The following CAMTA2 variants were observed in gnomAD, a reference collection of about 807,000 sequenced individuals.
CAMTA2 encodes calmodulin binding transcription activator 2, also known as calmodulin-binding transcription activator 2.
CAMTA2 carries 56 observed loss-of-function variants against 135.7 expected under a neutral mutation model. The observed-to-expected ratio is 0.41, with a 90% confidence interval of 0.33 to 0.52. The LOEUF is 0.52. Among genes scored for constraint, CAMTA2 ranks in the 20% least tolerant of loss-of-function variants. The probability of loss-of-function intolerance (pLI) is 0.16; values close to 1 mark genes in which losing one functional copy is unlikely to be tolerated. For synonymous variants in CAMTA2, 591 were observed against 604.6 expected (o/e 0.98, Z 0.33); for missense variants, 1,358 against 1,553.4 (o/e 0.87, Z 2.11).
chr17:4,987,282 AG>A, intron 1 of CAMTA2: 1 of 1,342,092 alleles, frequency 7.5e-7, no homozygotes, highest in Non-Finnish European at 9.5e-7. Context: ...CCGAGGTGGG[AG>A]GGTCCCGCCC....
intron 3 of CAMTA2, chr17:4,983,253 T>C: frequency 1.8e-6 from 1 of 543,474 alleles, no homozygotes; most frequent in Non-Finnish European, 3.3e-6. Context: ...TTGTGAATTA[T>C]TTTACTCTCC....
intron 15 of CAMTA2, 86 bp downstream of exon 15, chr17:4,972,683 T>C (rs964233622): frequency 1.0e-5 from 15 of 1,458,688 alleles, no homozygotes; most frequent in Non-Finnish European, 1.4e-5. Context: ...GTCTCCTCTC[T>C]TACTCGTTTC....
Position 4,986,899 on chromosome 17 carries a change from G to C in CAMTA2, c.-64-613C>G, listed in dbSNP as rs1389227158. 2.9e-6 allele frequency: 4 copies of C among 1,383,796 alleles called. No homozygotes were observed. In the African/African-American group the frequency reaches 4.3e-5, roughly 15 times the overall value. 85.7% of individuals were successfully genotyped at this position (1,383,796 alleles called of 1,614,324 possible). A position where few individuals can be genotyped will look rare whatever the true frequency, so the allele number is the denominator to read the frequency against. On this transcript the variant is annotated intron_variant, in intron 1 of 22. Coordinates refer to ENST00000348066, the MANE Select transcript of CAMTA2 (RefSeq NM_015099.4). ...CCCTCCGGCTGACAGCCCTCTCTAC[G>C]TAGCTCCCTCTCCCCAAACGCCTCT...
chr17:4,982,115 G>A lies in CAMTA2; in HGVS notation c.385C>T (p.His129Tyr). 6.2e-7 allele frequency: 1 copy of A among 1,613,376 alleles called. No homozygotes were observed. Among genetic ancestry groups the A allele is most frequent in the Non-Finnish European group, 8.5e-7 (1 of 1,179,770 alleles). ...YVHSSIVPTF[H>Y]RRCYWLLQNP... ...TGGAGCAGCCAGTAGCAGCGCCGAT[G>A]GAATGTGGGGACGATGGAAGAGTGA... is the stretch of plus-strand genomic sequence containing the variant. Residue 129 changes from histidine (H) to tyrosine (Y), a missense_variant, in exon 6 of 23, where the codon CAT (histidine) becomes TAT (tyrosine). Coordinates refer to ENST00000348066, the MANE Select transcript of CAMTA2 (RefSeq NM_015099.4).
At position 4,972,386 on chromosome 17, in the gene CAMTA2, G is replaced by A; in HGVS notation, c.2654C>T (p.Ser885Phe). 1 of 1,614,070 alleles carries A rather than the reference G, an allele frequency of 6.2e-7. No homozygotes were observed. The highest frequency in any genetic ancestry group is 1.3e-5 in the African/African-American group (1 of 75,052). Reference sequence around the variant, plus strand: ...TAGGGGGGCTTCTGGGACACCAGAGGAAAGCTGGCCTGGGGCCATGTCCTC... The same window carrying A: ...TAGGGGGGCTTCTGGGACACCAGAGAAAAGCTGGCCTGGGGCCATGTCCTC... Reference protein sequence around the residue: ...TMEDMAPGQLSSGVPEAPLLL... With the variant: ...TMEDMAPGQLFSGVPEAPLLL... The change falls in exon 16 of 23, where the codon TCC becomes TTC. Residue 885 changes from serine to phenylalanine, a missense_variant. Around this residue, in one of 4 missense-constraint regions of CAMTA2, gnomAD observed 1,077 missense variants for 1,127.5 expected, o/e 0.96. Transcript: ENST00000348066.
intron 11 of CAMTA2, 196 bp from the exon 12 acceptor site, chr17:4,974,696 A>G: frequency 1.9e-6 from 1 of 536,956 alleles, no homozygotes; most frequent in South Asian, 2.0e-5. Flanking sequence ...GGCTGTTAAT[A>G]CTACCCACTG....
chr17:4,968,047 G>A lies in CAMTA2; in HGVS notation c.*709C>T. The A allele has an allele frequency of 3.7e-6, 2 of 539,150 alleles. No homozygotes were observed. Among genetic ancestry groups the A allele is most frequent in the Non-Finnish European group, 6.6e-6 (2 of 302,120 alleles). The allele number at this position is 539,150 out of a possible 1,614,324, so 33.4% of individuals were successfully genotyped here. A position where few individuals can be genotyped will look rare whatever the true frequency, so the allele number is the denominator to read the frequency against. On this transcript the variant is annotated 3_prime_UTR_variant, in exon 23 of 23. Transcript: ENST00000348066. The stretch of plus-strand genomic sequence containing the variant: ...TCGTATAAACCAAGCCCATGCACAA[G>A]TAGAAAGTGCCCGTGGAGCCGGCAG...
rs200536871 is a variant in CAMTA2, at chr17:4,987,650, C to CCG, written c.-123_-122insCG. 881 of 1,522,096 alleles carry CCG rather than the reference C, an allele frequency of 5.8e-4. 10 individuals carry two copies. In the East Asian group the frequency reaches 0.022, roughly 38 times the overall value. 94.3% of individuals were successfully genotyped at this position (1,522,096 alleles called of 1,614,324 possible). A position where few individuals can be genotyped will look rare whatever the true frequency, so the allele number is the denominator to read the frequency against. On this transcript the variant is annotated 5_prime_UTR_variant, in exon 1 of 23. Coordinates refer to ENST00000348066, the MANE Select transcript of CAMTA2 (RefSeq NM_015099.4). ...GCCATTCTACCCCACACCGACCCCC[C>CCG]CCAGCGCCGGCTGACAGCGGCGTCT...
intron 12 of CAMTA2, 63 bp from the exon 13 acceptor site, chr17:4,973,832 T>A: frequency 7.1e-7 from 1 of 1,417,880 alleles, no homozygotes. Flanking sequence ...GAGGTGGCCT[T>A]GGCCACCTCA....
At chr17:4,977,285 T>C in intron 10 of CAMTA2, 93 bp from the exon 11 acceptor site, 2 of 1,493,888 alleles carry the variant, frequency 1.3e-6, no homozygotes, top group East Asian at 2.3e-5. Flanking sequence ...CCATAGTTAT[T>C]TCCCCTACTG....
chr17:4,968,685 C>G lies in CAMTA2; in HGVS notation c.*71G>C, dbSNP rs769014730. 1.9e-6 allele frequency: 3 copies of G among 1,571,824 alleles called. No individual in the cohort carries two copies. On this transcript the variant is annotated 3_prime_UTR_variant, in exon 23 of 23. Coordinates refer to ENST00000348066, the MANE Select transcript of CAMTA2 (RefSeq NM_015099.4). ...AAGCTGCCGACAGGGGCTCCCCCTG[C>G]CCCAGAAAGCCCTCTCCCTGTTAAG...
chr17:4,982,877 G>C lies in CAMTA2; in HGVS notation c.219C>G (p.Ser73=), dbSNP rs751590548. 29 of 1,614,184 alleles carry C rather than the reference G, an allele frequency of 1.8e-5. No homozygotes were observed. The highest frequency in any genetic ancestry group is 2.2e-5 in the Non-Finnish European group (26 of 1,180,032). The part of the protein sequence containing the change: ...CAPKTRPQNG[S]IILYNRKKVK... ...CCTTCTTGCGATTGTAGAGGATGAT[G>C]GAGCCATTCTGAGGCCTGGGAAGGG... The change falls in exon 5 of 23, where the codon TCC becomes TCG. Residue 73 remains serine (S), a synonymous_variant. Transcript: ENST00000348066.
intron 5 of CAMTA2, 132 bp downstream of exon 5, chr17:4,982,625 G>A: frequency 2.0e-6 from 2 of 984,820 alleles, no homozygotes; most frequent in South Asian, 3.2e-5. Flanking sequence ...GACCCAAAGT[G>A]AGTGAGAAGG....
In CAMTA2 at chr17:4,968,900, T is replaced by C. The variant is rs749711823; in HGVS notation, c.3545+7A>G. 3 of 1,613,826 alleles carry C rather than the reference T, an allele frequency of 1.9e-6. No homozygotes were observed. The highest frequency in any genetic ancestry group is 3.3e-5 in the Admixed American group (2 of 60,000). ...CGCAAAAGCCCAGGGGGAGAAGGGA[T>C]GAGTACCTGTGTCGGCAGCGCCGCA... On this transcript the variant is annotated splice_region_variant and intron_variant, in intron 22 of 22. Transcript: ENST00000348066.
chr17:4,970,888 C>T (rs1252237298), intron 16 of CAMTA2, among the ~76,000 whole-genome samples: 1 of 152,188 alleles, frequency 6.6e-6, no homozygotes, highest in African/African-American at 2.4e-5. Flanking sequence ...CTGTGCCCAC[C>T]CCCAGCTCCC....
chr17:4,978,636 G>C lies in CAMTA2; in HGVS notation c.1639-6C>G. 1.2e-6 allele frequency: 2 copies of C among 1,611,910 alleles called. No homozygotes were observed. Among genetic ancestry groups the C allele is most frequent in the Non-Finnish European group, 1.7e-6 (2 of 1,178,556 alleles). On this transcript the variant is annotated splice_region_variant and splice_polypyrimidine_tract_variant and intron_variant, in intron 9 of 22. Coordinates refer to ENST00000348066, the MANE Select transcript of CAMTA2 (RefSeq NM_015099.4). Reference sequence around the variant, plus strand: ...ATGAGCACCTTGACCCCACCCTGCAGACAGAAGTCAGAGACCATGTGACTG... The same window carrying C: ...ATGAGCACCTTGACCCCACCCTGCACACAGAAGTCAGAGACCATGTGACTG...
Position 4,973,680 on chromosome 17 carries a change from A to G in CAMTA2, c.2106T>C (p.Arg702=), listed in dbSNP as rs766341408. 6.2e-7 allele frequency: 1 copy of G among 1,614,246 alleles called. No homozygotes were observed. Among genetic ancestry groups the G allele is most frequent in the Non-Finnish European group, 8.5e-7 (1 of 1,180,048 alleles). Residue 702 remains arginine (R), a synonymous_variant, in exon 13 of 23, where the codon CGT becomes CGC. Transcript: ENST00000348066. The stretch of plus-strand genomic sequence containing the variant: ...CCCGGAAGGGGCTTCCATGGGCCAG[A>G]CGTTCAGGACCCTTCCAGGTGGAGC... ...IPRSTWKGPE[R]LAHGSPFRGM... is the part of the protein sequence containing the mutation.
At chr17:4,984,278 A>G (rs1973137230) in intron 3 of CAMTA2, among the ~76,000 whole-genome samples, 1 of 152,200 alleles carries the variant, frequency 6.6e-6, no homozygotes, top group Non-Finnish European at 1.5e-5. Flanking sequence ...GCCTGACTCC[A>G]AGGTTCTTCC....
Position 4,982,656 on chromosome 17 carries a change from C to A in CAMTA2, c.339+101G>T. Reference sequence around the variant, plus strand: ...GAAGGGAAGAGTAACTGGGAGGGGACTGAGGTGGACAATGCCACCAAGCCC... The same window carrying A: ...GAAGGGAAGAGTAACTGGGAGGGGAATGAGGTGGACAATGCCACCAAGCCC... On this transcript the variant is annotated intron_variant, in intron 5 of 22. Coordinates refer to ENST00000348066, the MANE Select transcript of CAMTA2 (RefSeq NM_015099.4). 7 of 1,299,538 alleles carry A rather than the reference C, an allele frequency of 5.4e-6. No homozygotes were observed. The South Asian group carries it at 9.2e-5, about 17-fold the overall frequency. 80.5% of individuals were successfully genotyped at this position (1,299,538 alleles called of 1,614,324 possible). A position where few individuals can be genotyped will look rare whatever the true frequency, so the allele number is the denominator to read the frequency against.
Sources: gnomAD v4.1 joint callset for allele counts (sites outside exome capture counted in the v4.1 genomes callset) on GRCh38, gnomAD v4.1.1 for gene constraint, gnomAD v4.1.1 regional missense constraint, MANE v1.5 for transcripts, NCBI Gene and HGNC (gene_info 2026-07-23, HGNC 2026-07-21) for gene names.